SLC9A9: variants seen among roughly 807,000 people sequenced by gnomAD.
SLC9A9 encodes solute carrier family 9 member A9.
SLC9A9 carries 62 observed loss-of-function variants against 77.8 expected under a neutral mutation model. That is an observed-to-expected ratio of 0.80 (90% CI 0.65 to 0.98). SLC9A9 has a LOEUF of 0.98. SLC9A9 is among the 50% of genes least tolerant of loss of function. SLC9A9 has a pLI of 0.00. For synonymous variants in SLC9A9, 320 were observed against 283.5 expected, an observed-to-expected ratio of 1.13 and a Z score of -1.29; for missense variants, 775 against 774.9, an observed-to-expected ratio of 1.00 and a Z score of 0.00.
chr3:143,694,381 C>A (rs1425070443), intron 4 of SLC9A9, among the ~76,000 whole-genome samples: 1 of 152,024 alleles, frequency 6.6e-6, no homozygotes, highest in African/African-American at 2.4e-5. Context: ...ACCTGAATAT[C>A]CATGAGGTAG....
intron 11 of SLC9A9, among the ~76,000 whole-genome samples, chr3:143,471,941 C>T (rs555144925): frequency 4.1e-4 from 62 of 152,310 alleles, no homozygotes; most frequent in African/African-American, 1.3e-3. Flanking sequence ...AGCAAGCACT[C>T]GTGCTGCAGA....
At chr3:143,408,227 T>C (rs1340345595) in intron 12 of SLC9A9, among the ~76,000 whole-genome samples, 2 of 152,224 alleles carry the variant, frequency 1.3e-5, no homozygotes, top group East Asian at 3.8e-4. Flanking sequence ...ATTCAGTCCA[T>C]AGCAGTAGGT....
chr3:143,494,760 T>A (rs1053629956), intron 10 of SLC9A9, among the ~76,000 whole-genome samples: 2 of 152,162 alleles, frequency 1.3e-5, no homozygotes, highest in African/African-American at 4.8e-5. Context: ...AAAAGTGGGG[T>A]CTAGATTTCA....
intron 9 of SLC9A9, among the ~76,000 whole-genome samples, chr3:143,530,067 G>A (rs1332845188): frequency 1.3e-5 from 2 of 152,294 alleles, no homozygotes; most frequent in Non-Finnish European, 2.9e-5. Context: ...AGCTATTGAC[G>A]TTGTAGCATG....
rs561057688 is a variant in SLC9A9 at position 143,482,979 on chromosome 3, C to T, written c.1315+10674G>A. ...TAAGCCCTTTGTGCTGAGTGTCACA[C>T]GATATAGCAGAGCAGTTATGACCTC... On this transcript the variant is annotated intron_variant, in intron 11 of 15. Transcript: ENST00000316549. 2.1e-4 allele frequency among the ~76,000 whole-genome samples: 32 copies of T among 152,218 alleles called. 1 individual carries two copies. Among genetic ancestry groups the T allele is most frequent in the Admixed American group, 7.2e-4 (11 of 15,294 alleles).
At chr3:143,584,598 T>C (rs1215566829) in intron 6 of SLC9A9, among the ~76,000 whole-genome samples, 2 of 152,208 alleles carry the variant, frequency 1.3e-5, no homozygotes, top group Non-Finnish European at 2.9e-5. Context: ...CTCTGCCAAA[T>C]ATGTAATCCC....
At chr3:143,410,267 T>C (rs766194598) in intron 12 of SLC9A9, among the ~76,000 whole-genome samples, 30 of 152,190 alleles carry the variant, frequency 2.0e-4, no homozygotes, top group Non-Finnish European at 4.3e-4. Context: ...AGCCCTGTAC[T>C]GGGGACACAA....
At chr3:143,564,636 G>C (rs1027277807) in intron 8 of SLC9A9, among the ~76,000 whole-genome samples, 3 of 152,122 alleles carry the variant, frequency 2.0e-5, no homozygotes, top group African/African-American at 7.2e-5. Context: ...CAATATGAAA[G>C]TATCCAACTT....
intron 8 of SLC9A9, among the ~76,000 whole-genome samples, chr3:143,569,252 A>G (rs1489765935): frequency 2.0e-5 from 3 of 151,528 alleles, no homozygotes. Flanking sequence ...GGAGTGAAAG[A>G]CTGACCTACT....
At chr3:143,574,954 C>CATTT (rs2037332105) in intron 7 of SLC9A9, among the ~76,000 whole-genome samples, 1 of 152,122 alleles carries the variant, frequency 6.6e-6, no homozygotes, top group Non-Finnish European at 1.5e-5. Context: ...AATGCCCTGA[C>CATTT]AAATAAGGAG....
chr3:143,324,601 C>T (rs1312798613), intron 14 of SLC9A9, among the ~76,000 whole-genome samples: 3 of 152,082 alleles, frequency 2.0e-5, no homozygotes, highest in Admixed American at 6.5e-5. Flanking sequence ...GTGGGCAGAT[C>T]GTTTGAGCCC....
intron 1 of SLC9A9, among the ~76,000 whole-genome samples, chr3:143,844,918 C>G (rs1285376996): frequency 6.6e-6 from 1 of 151,804 alleles, no homozygotes; most frequent in Non-Finnish European, 1.5e-5. Flanking sequence ...ATCACCATGC[C>G]CCCCTGCTCT....
intron 4 of SLC9A9, among the ~76,000 whole-genome samples, chr3:143,753,826 A>G (rs952623541): frequency 6.6e-6 from 1 of 152,224 alleles, no homozygotes; most frequent in African/African-American, 2.4e-5. Flanking sequence ...CTTCAAATTA[A>G]TGTTCTAATA....
chr3:143,281,810 G>C (rs1354758710), intron 14 of SLC9A9, among the ~76,000 whole-genome samples: 1 of 152,184 alleles, frequency 6.6e-6, no homozygotes, highest in Non-Finnish European at 1.5e-5. Context: ...TTGCTCAAGT[G>C]GTTGAGATCA....
intron 12 of SLC9A9, among the ~76,000 whole-genome samples, chr3:143,453,305 T>C (rs1366752967): frequency 2.6e-5 from 4 of 152,112 alleles, no homozygotes; most frequent in African/African-American, 9.7e-5. Context: ...CTATATTATG[T>C]TATTTCAGAA....
At chr3:143,311,763 T>C (rs2031027529) in intron 14 of SLC9A9, among the ~76,000 whole-genome samples, 1 of 152,256 alleles carries the variant, frequency 6.6e-6, no homozygotes, top group South Asian at 2.1e-4. Context: ...ATGTTCTGAA[T>C]GTTCTTTTGT....
chr3:143,280,374 TG>T (rs1426995292), intron 14 of SLC9A9, among the ~76,000 whole-genome samples: 1 of 148,718 alleles, frequency 6.7e-6, no homozygotes, highest in African/African-American at 2.6e-5. Flanking sequence ...GAATGAAGAC[TG>T]TTCAGGAGAC....
intron 14 of SLC9A9, among the ~76,000 whole-genome samples, chr3:143,359,366 G>A (rs553809822): frequency 7.2e-5 from 11 of 152,248 alleles, no homozygotes; most frequent in Non-Finnish European, 1.0e-4. Context: ...ATTCTGTGTC[G>A]GGTGGTGGTT....
chr3:143,525,866 G>GT (rs1479640809), intron 9 of SLC9A9, among the ~76,000 whole-genome samples: 1 of 152,114 alleles, frequency 6.6e-6, no homozygotes, highest in Non-Finnish European at 1.5e-5. Flanking sequence ...GAAATTCTTA[G>GT]TTATAACTGT....
Sources: gnomAD v4.1 joint callset for allele counts (sites outside exome capture counted in the v4.1 genomes callset) on GRCh38, gnomAD v4.1.1 for gene constraint, MANE v1.5 for transcripts, NCBI Gene and HGNC (gene_info 2026-07-23, HGNC 2026-07-21) for gene names.